AKAP12: variants seen among roughly 807,000 people sequenced by gnomAD.
The protein encoded by AKAP12 is A-kinase anchoring protein 12, also known as A-kinase anchor protein 12.
A neutral mutation model predicts 79.9 loss-of-function variants in AKAP12; 32 were observed. The ratio of observed to expected loss-of-function variants is 0.40; its 90% CI spans 0.30 to 0.54. The LOEUF (loss-of-function observed/expected upper bound fraction) is 0.54, where lower values mean the gene tolerates loss of function less well. Ranked by LOEUF, AKAP12 falls within the 20% of genes least tolerant of loss-of-function variation. The probability of loss-of-function intolerance (pLI) is 0.48; values close to 1 mark genes in which losing one functional copy is unlikely to be tolerated. For missense variants in AKAP12, 2,074 were observed against 2,177.0 expected (o/e 0.95, Z 0.94); for synonymous variants, 808 against 857.0 (o/e 0.94, Z 1.00).
intron 3 of AKAP12, among the ~76,000 whole-genome samples, chr6:151,326,935 G>A (rs2114787663): frequency 6.6e-6 from 1 of 152,102 alleles, no homozygotes; most frequent in East Asian, 1.9e-4. Context: ...TCCTGCCTCA[G>A]CCTCCCGAGT....
chr6:151,251,574 A>G (rs983316651), intron 2 of AKAP12, among the ~76,000 whole-genome samples: 1 of 152,210 alleles, frequency 6.6e-6, no homozygotes, highest in Non-Finnish European at 1.5e-5. Context: ...TCTGACAAGA[A>G]CATCTACTCC....
At chr6:151,323,657 A>G (rs1400597786) in intron 3 of AKAP12, 1 of 968,628 alleles carries the variant, frequency 1.0e-6, no homozygotes, top group African/African-American at 1.8e-5. Context: ...ACCTTTGAAA[A>G]TGTTGTTTAG....
At chr6:151,344,172 ATCT>A (rs1778024485) in intron 3 of AKAP12, among the ~76,000 whole-genome samples, 2 of 152,186 alleles carry the variant, frequency 1.3e-5, no homozygotes, top group African/African-American at 2.4e-5. Context: ...TTTTCTTGAA[ATCT>A]TCTTCGCTAT....
At chr6:151,251,050 A>G (rs971004570) in intron 2 of AKAP12, among the ~76,000 whole-genome samples, 3 of 152,226 alleles carry the variant, frequency 2.0e-5, no homozygotes, top group African/African-American at 7.2e-5. Context: ...AAAGATTCCA[A>G]TAAGTTGGCT....
intron 2 of AKAP12, among the ~76,000 whole-genome samples, chr6:151,251,043 G>T (rs1797164004): frequency 1.3e-5 from 2 of 152,288 alleles, no homozygotes; most frequent in South Asian, 4.1e-4. Context: ...CAACAGCAAA[G>T]ATTCCAATAA....
At chr6:151,292,163 A>G (rs796469811) in intron 2 of AKAP12, among the ~76,000 whole-genome samples, 3 of 152,228 alleles carry the variant, frequency 2.0e-5, no homozygotes, top group African/African-American at 7.2e-5. Context: ...GGAGTTGAAC[A>G]TAATAGGATA....
intron 3 of AKAP12, among the ~76,000 whole-genome samples, chr6:151,322,659 T>A (rs1218366655): frequency 6.9e-6 from 1 of 144,512 alleles, no homozygotes; most frequent in Non-Finnish European, 1.5e-5. Context: ...CAAGGCTACC[T>A]CAGAGGTGAG....
intron 3 of AKAP12, among the ~76,000 whole-genome samples, chr6:151,315,869 G>C (rs1448343173): frequency 6.6e-6 from 1 of 152,150 alleles, no homozygotes; most frequent in African/African-American, 2.4e-5. Context: ...GCAGGAAGGA[G>C]AAGTGGCGAG....
At position 151,349,448 on chromosome 6, in the gene AKAP12, T is replaced by C; in HGVS notation, c.1057T>C (p.Ser353Pro). ...GGTTGCCTCCGAGAAACTGACCGCCTCCGAGCAAGCCCACCCACAGGAGCC... is the reference window on the plus strand; with the variant it reads ...GGTTGCCTCCGAGAAACTGACCGCCCCCGAGCAAGCCCACCCACAGGAGCC... ...AEVASEKLTA[S>P]EQAHPQEPAE... Residue 353 changes from serine to proline, a missense_variant, in exon 4 of 5, where the codon TCC becomes CCC. By Grantham distance (74) the Ser-to-Pro change is moderately conservative. Transcript: ENST00000402676. 35 of 1,607,346 alleles carry C rather than the reference T, an allele frequency of 2.2e-5. No homozygotes were observed. The highest frequency in any genetic ancestry group is 3.0e-5 in the Non-Finnish European group (35 of 1,178,270).
chr6:151,288,070 G>T (rs965907009), intron 2 of AKAP12, among the ~76,000 whole-genome samples: 6 of 151,970 alleles, frequency 3.9e-5, no homozygotes, highest in African/African-American at 1.5e-4. Context: ...GTTGGGGAGT[G>T]GGGGGCTAGG....
rs772704022 is a variant in AKAP12, at chr6:151,349,081, C to A, written c.690C>A (p.Ser230Arg). The A allele has an allele frequency of 1.2e-6, 2 of 1,611,738 alleles. No homozygotes were observed. The highest frequency in any genetic ancestry group is 1.1e-5 in the South Asian group (1 of 91,004). Residue 230 changes from serine (S) to arginine (R), a missense_variant, in exon 4 of 5, where the codon AGC becomes AGA. Ser to Arg is a moderately radical substitution (Grantham distance 110). Coordinates refer to ENST00000402676, the MANE Select transcript of AKAP12 (RefSeq NM_005100.4). ...CTGGAGAAGCAGCATCCAAAGAAAG[C>A]GAACCCAAACAATCTACAGAGAAAC... ...LGAGEAASKE[S>R]EPKQSTEKPE...
chr6:151,309,015 C>G (rs1208927320), intron 3 of AKAP12, among the ~76,000 whole-genome samples: 2 of 152,272 alleles, frequency 1.3e-5, no homozygotes, highest in East Asian at 3.9e-4. Flanking sequence ...TCTGGGATTA[C>G]AGGCATGCAC....
In AKAP12 at chr6:151,349,929, G is replaced by C. The variant is rs765930165; in HGVS notation, c.1538G>C (p.Gly513Ala). Residue 513 changes from glycine to alanine, a missense_variant, in exon 4 of 5, where the codon GGA becomes GCA. Around this residue, in one of 3 missense-constraint regions of AKAP12, gnomAD observed 1,428 missense variants for 1,451.0 expected, o/e 0.98. Transcript: ENST00000402676. ...TCACAGGAGAGAATGAAGGTGCAGG[G>C]AAGTCCACTAAAGAAGCTTTTTACC... ...LSSQERMKVQ[G>A]SPLKKLFTST... The C allele has an allele frequency of 1.2e-6, 2 of 1,614,150 alleles. No individual in the cohort carries two copies. The highest frequency in any genetic ancestry group is 2.2e-5 in the South Asian group (2 of 91,078).
intron 2 of AKAP12, among the ~76,000 whole-genome samples, chr6:151,253,467 A>AT (rs1457352422): frequency 1.3e-5 from 2 of 152,112 alleles, no homozygotes; most frequent in African/African-American, 4.8e-5. Context: ...GGCTGAAAGG[A>AT]TAGTCCCACC....
chr6:151,259,485 C>CAT (rs1281678081), intron 2 of AKAP12, among the ~76,000 whole-genome samples: 1 of 66,902 alleles, frequency 1.5e-5, no homozygotes, highest in Non-Finnish European at 2.5e-5. Context: ...TATATATATA[C>CAT]ACACACATAT....
At chr6:151,336,945 A>T (rs575926174) in intron 3 of AKAP12, among the ~76,000 whole-genome samples, 2 of 152,172 alleles carry the variant, frequency 1.3e-5, no homozygotes, top group Non-Finnish European at 2.9e-5. Flanking sequence ...TTTAAACACC[A>T]GTCTGTCCCC....
At chr6:151,255,839 T>C (rs1308043918) in intron 2 of AKAP12, among the ~76,000 whole-genome samples, 1 of 152,146 alleles carries the variant, frequency 6.6e-6, no homozygotes, top group Admixed American at 6.6e-5. Flanking sequence ...GGACAATTGA[T>C]GTGTAAATAA....
chr6:151,280,410 A>G (rs1776380067), intron 2 of AKAP12: 2 of 152,116 alleles, frequency 1.3e-5, no homozygotes, highest in South Asian at 2.1e-4. Flanking sequence ...CCTTTTCTAT[A>G]TGATAAATTT....
At chr6:151,324,280 CG>C in intron 3 of AKAP12, 1 of 985,398 alleles carries the variant, frequency 1.0e-6, no homozygotes, top group Non-Finnish European at 1.2e-6. Flanking sequence ...CCCGCCAGGC[CG>C]GGTATTTGCC....
Sources: gnomAD v4.1 joint callset for allele counts (sites outside exome capture counted in the v4.1 genomes callset) on GRCh38, gnomAD v4.1.1 for gene constraint, gnomAD v4.1.1 regional missense constraint, MANE v1.5 for transcripts, NCBI Gene and HGNC (gene_info 2026-07-23, HGNC 2026-07-21) for gene names.